PTPRM: variants seen among roughly 807,000 people sequenced by gnomAD.
The protein encoded by PTPRM is receptor-type tyrosine-protein phosphatase mu.
PTPRM carries 47 observed loss-of-function variants against 186.7 expected under a neutral mutation model. That is an observed-to-expected ratio of 0.25 (90% CI 0.20 to 0.32). The LOEUF is 0.32. PTPRM is among the 10% of genes least tolerant of loss of function. The pLI is 1.00. For synonymous variants in PTPRM, 668 were observed against 674.9 expected, an observed-to-expected ratio of 0.99 and a Z score of 0.16; for missense variants, 1,494 against 1,865.0, an observed-to-expected ratio of 0.80 and a Z score of 3.66.
chr18:8,352,084 T>C (rs1356583310), intron 23 of PTPRM, among the ~76,000 whole-genome samples: 1 of 152,254 alleles, frequency 6.6e-6, no homozygotes, highest in Non-Finnish European at 1.5e-5. Context: ...ACTGTATCTA[T>C]GACACTAATA....
intron 14 of PTPRM, among the ~76,000 whole-genome samples, chr18:8,209,989 T>TAAAAAAAAAAAAA (rs67547673): frequency 3.8e-5 from 3 of 78,706 alleles, no homozygotes; most frequent in Non-Finnish European, 7.3e-5. Context: ...GAAGTAAAAT[T>TAAAAAAAAAAAAA]AAAAAAAAAA....
At chr18:8,379,051 G>C (rs1485478539) in intron 27 of PTPRM, 116 bp from the exon 28 acceptor site, 4 of 786,030 alleles carry the variant, frequency 5.1e-6, no homozygotes, top group Middle Eastern at 3.5e-4. Flanking sequence ...GGGAGGGAGG[G>C]GGAAGGGACC....
chr18:8,137,111 C>T (rs1032273114), intron 13 of PTPRM, among the ~76,000 whole-genome samples: 3 of 152,168 alleles, frequency 2.0e-5, no homozygotes, highest in African/African-American at 7.2e-5. Context: ...ATTTTATTTT[C>T]TACTTTTAGC....
intron 2 of PTPRM, among the ~76,000 whole-genome samples, chr18:7,832,785 T>C (rs1247414403): frequency 6.6e-6 from 1 of 152,214 alleles, no homozygotes; most frequent in Non-Finnish European, 1.5e-5. Context: ...CATTTTGATT[T>C]GATTTTTGTA....
At chr18:7,635,116 T>A (rs2038282267) in intron 1 of PTPRM, among the ~76,000 whole-genome samples, 1 of 152,116 alleles carries the variant, frequency 6.6e-6, no homozygotes, top group South Asian at 2.1e-4. Flanking sequence ...AAAAAGAACT[T>A]AAAATTTGCA....
intron 22 of PTPRM, among the ~76,000 whole-genome samples, chr18:8,324,201 AT>A (rs1234272911): frequency 1.3e-5 from 2 of 152,166 alleles, no homozygotes; most frequent in Admixed American, 1.3e-4. Context: ...AAGCATCAAA[AT>A]TTTTACTAAC....
intron 1 of PTPRM, among the ~76,000 whole-genome samples, chr18:7,569,731 T>C (rs2036523682): frequency 6.6e-6 from 1 of 152,264 alleles, no homozygotes; most frequent in Non-Finnish European, 1.5e-5. Context: ...TCAGTTGTAC[T>C]GACCCATGTC....
chr18:8,268,943 G>A lies in PTPRM; in HGVS notation c.2754+15529G>A, dbSNP rs116166776. Among the ~76,000 whole-genome samples, 793 of 152,012 alleles carry A rather than the reference G, an allele frequency of 5.2e-3. 12 individuals are homozygous for A. The highest frequency in any genetic ancestry group is 0.031 in the East Asian group (163 of 5,180). ...TATACCTCAGCATATATGAAAGGCC[G>A]TATATAAAGTTTCCAGCTAACATAC... On this transcript the variant is annotated intron_variant, in intron 19 of 32. Transcript: ENST00000580170.
intron 1 of PTPRM, among the ~76,000 whole-genome samples, chr18:7,675,092 C>G (rs1216201407): frequency 6.6e-6 from 1 of 152,200 alleles, no homozygotes; most frequent in Admixed American, 6.5e-5. Flanking sequence ...TCTTGAAATA[C>G]AGTTTGAATC....
At chr18:8,324,478 A>G (rs2095363916) in intron 22 of PTPRM, among the ~76,000 whole-genome samples, 1 of 152,216 alleles carries the variant, frequency 6.6e-6, no homozygotes, top group South Asian at 2.1e-4. Context: ...CCCATAGCTG[A>G]TGTTTATTTT....
chr18:8,086,721 A>G (rs1009434085), intron 10 of PTPRM, among the ~76,000 whole-genome samples: 6 of 152,170 alleles, frequency 3.9e-5, no homozygotes, highest in Non-Finnish European at 8.8e-5. Flanking sequence ...TGTATTAATA[A>G]AAGTTATCAT....
chr18:8,025,986 C>T (rs565412866), intron 7 of PTPRM, among the ~76,000 whole-genome samples: 2 of 152,230 alleles, frequency 1.3e-5, no homozygotes, highest in East Asian at 3.9e-4. Context: ...TGTGAAGCCC[C>T]AGTGTACTTG....
intron 11 of PTPRM, among the ~76,000 whole-genome samples, chr18:8,089,790 T>C (rs1316641380): frequency 1.3e-5 from 2 of 152,212 alleles, no homozygotes; most frequent in East Asian, 3.8e-4. Flanking sequence ...ATCAGTTAGA[T>C]TTCTTTCTAT....
chr18:7,628,178 GCA>G (rs143026109), intron 1 of PTPRM, among the ~76,000 whole-genome samples: 1 of 151,580 alleles, frequency 6.6e-6, no homozygotes, highest in Non-Finnish European at 1.5e-5. Flanking sequence ...ACACATGCAC[GCA>G]CACACACACA....
intron 14 of PTPRM, among the ~76,000 whole-genome samples, chr18:8,175,427 A>T (rs2093466526): frequency 6.6e-6 from 1 of 152,228 alleles, no homozygotes; most frequent in Non-Finnish European, 1.5e-5. Flanking sequence ...AAAAGACTCC[A>T]CAATTCCTAT....
intron 4 of PTPRM, among the ~76,000 whole-genome samples, chr18:7,911,846 A>ATTTTTTTTTTTTTTTTTTTTT (rs57590269): frequency 1.2e-5 from 1 of 80,676 alleles, no homozygotes; most frequent in African/African-American, 5.6e-5. Context: ...TATGGTTTCA[A>ATTTTTTTTTTTTTTTTTTTTT]TTTTTTTTTT....
chr18:8,336,374 C>T (rs577143974), intron 22 of PTPRM, among the ~76,000 whole-genome samples: 16 of 152,184 alleles, frequency 1.1e-4, no homozygotes, highest in South Asian at 6.2e-4. Context: ...GCCCGGGCAA[C>T]ATAGTGAGAC....
intron 1 of PTPRM, among the ~76,000 whole-genome samples, chr18:7,581,882 G>A (rs2036855559): frequency 6.6e-6 from 1 of 151,940 alleles, no homozygotes; most frequent in Non-Finnish European, 1.5e-5. Context: ...CTAGTCTCAA[G>A]CTCCTCGCCT....
At chr18:8,392,355 T>C (rs749146497) in intron 31 of PTPRM, among the ~76,000 whole-genome samples, 5 of 152,170 alleles carry the variant, frequency 3.3e-5, no homozygotes, top group Non-Finnish European at 4.4e-5. Context: ...CCGGGCGCGG[T>C]GGCTCACACC....
Sources: allele counts gnomAD v4.1 joint callset (sites outside exome capture counted in the v4.1 genomes callset), GRCh38; gene constraint gnomAD v4.1.1; transcripts MANE v1.5; gene names NCBI Gene and HGNC (gene_info 2026-07-23, HGNC 2026-07-21).